Variants in CFAP46 observed in about 807,000 individuals in gnomAD.
CFAP46 encodes the protein cilia and flagella associated protein 46.
A neutral mutation model predicts 325.7 loss-of-function variants in CFAP46; 245 were observed. That is an observed-to-expected ratio of 0.75 (90% CI 0.68 to 0.84). The LOEUF is 0.84. Among genes scored for constraint, CFAP46 ranks in the 40% least tolerant of loss-of-function variants. The pLI, the probability that CFAP46 is intolerant of heterozygous loss-of-function variation, is 0.00. For missense variants in CFAP46, 3,346 were observed against 3,543.0 expected (o/e 0.94, Z 1.41); for synonymous variants, 1,523 against 1,495.9 (o/e 1.02, Z -0.42).
intron 31 of CFAP46, among the ~76,000 whole-genome samples, chr10:132,875,957 C>G (rs1304278134): frequency 1.3e-5 from 2 of 152,248 alleles, no homozygotes; most frequent in African/African-American, 2.4e-5. Context: ...GGAGGCAGAT[C>G]TGCTGGTCAC....
chr10:132,892,652 C>G (rs982642762), intron 24 of CFAP46, among the ~76,000 whole-genome samples: 4 of 152,134 alleles, frequency 2.6e-5, no homozygotes, highest in African/African-American at 9.7e-5. Context: ...AAATTTTTGG[C>G]AAACAACTCA....
rs1480031143 is a variant in CFAP46 at position 132,833,408 on chromosome 10, C to T, written c.7067G>A (p.Arg2356Gln). 5.0e-6 allele frequency: 8 copies of T among 1,614,018 alleles called. No individual in the cohort carries two copies. The highest frequency in any genetic ancestry group is 1.3e-5 in the African/African-American group (1 of 74,922). Residue 2356 changes from arginine (R) to glutamine (Q), a missense_variant, in exon 50 of 58, where the codon CGA (arginine) becomes CAA (glutamine). Transcript: ENST00000368586. ...CCACAGCATTTGAAGAGAAAATTCTCGTGACACAGAGGAAATTGTCCCTTC... is the reference window on the plus strand; with the variant it reads ...CCACAGCATTTGAAGAGAAAATTCTTGTGACACAGAGGAAATTGTCCCTTC... ...FDEGTISSVSREFSLQMLWNR... is the reference protein window; with the variant it reads ...FDEGTISSVSQEFSLQMLWNR...
At chr10:132,824,995 GTGC>G (rs1293554597) in intron 50 of CFAP46, among the ~76,000 whole-genome samples, 3 of 144,158 alleles carry the variant, frequency 2.1e-5, no homozygotes, top group African/African-American at 5.2e-5. Flanking sequence ...TGTGCTGTGT[GTGC>G]TGATGTGTGC....
At chr10:132,810,580 C>A (rs762968034) in intron 56 of CFAP46, 91 bp from the exon 57 acceptor site, 6 of 1,140,292 alleles carry the variant, frequency 5.3e-6, no homozygotes, top group African/African-American at 1.5e-5. Flanking sequence ...CAGGGGCCCA[C>A]GCACTTTCCC....
At chr10:132,839,734 C>A (rs951040719) in intron 44 of CFAP46, among the ~76,000 whole-genome samples, 2 of 152,186 alleles carry the variant, frequency 1.3e-5, no homozygotes, top group Non-Finnish European at 2.9e-5. Context: ...TTGAAAGACA[C>A]CTTTTTTGCA....
rs2135589871 is a variant in CFAP46 at position 132,919,182 on chromosome 10, A to G, written c.1858+133T>C. On this transcript the variant is annotated intron_variant, in intron 15 of 57. Coordinates refer to ENST00000368586, the MANE Select transcript of CFAP46 (RefSeq NM_001200049.3). The surrounding 1 kb of genome is among the most constrained non-coding windows in gnomAD (Gnocchi z 9.7). ...GTCCTGATAATTAGTGGGAACTGCT[A>G]CCATTGTGACTTAGCAATACGCTTT... 5 of 972,826 alleles carry G rather than the reference A, an allele frequency of 5.1e-6. No homozygotes were observed. Among genetic ancestry groups the G allele is most frequent in the Non-Finnish European group, 7.2e-6 (5 of 697,062 alleles). The allele number at this position is 972,826 out of a possible 1,614,324, so 60.3% of individuals were successfully genotyped here.
At chr10:132,870,867 TCCACTGTAGA>T (rs1564785770) in intron 32 of CFAP46, among the ~76,000 whole-genome samples, 1 of 152,226 alleles carries the variant, frequency 6.6e-6, no homozygotes, top group Non-Finnish European at 1.5e-5. Flanking sequence ...ACAACAGATT[TCCACTGTAGA>T]CCGCACAGCC....
intron 17 of CFAP46, 66 bp from the exon 18 acceptor site, chr10:132,913,324 G>A (rs1591087576): frequency 4.5e-6 from 6 of 1,331,270 alleles, no homozygotes; most frequent in Non-Finnish European, 6.3e-6. Context: ...GCACCAGGAA[G>A]GCTGCGGGGC....
chr10:132,831,510 C>T (rs1357351059), intron 50 of CFAP46, among the ~76,000 whole-genome samples: 1 of 152,302 alleles, frequency 6.6e-6, no homozygotes, highest in Middle Eastern at 3.4e-3. Flanking sequence ...TAGCCCTGGT[C>T]ACATTCCCAG....
chr10:132,811,625 G>A (rs1565030643), intron 55 of CFAP46, among the ~76,000 whole-genome samples: 1 of 152,204 alleles, frequency 6.6e-6, no homozygotes, highest in East Asian at 1.9e-4. Flanking sequence ...CAGCCTGGCC[G>A]TTCCCGCAGA....
rs369273698 is a variant in CFAP46 at position 132,851,711 on chromosome 10, C to T, written c.5575-406G>A. On this transcript the variant is annotated intron_variant, in intron 39 of 57. Transcript: ENST00000368586. ...CATGCTCCTTCCCTCTCACAGCCGG[C>T]GTCGGTGCACCGTGTGCACGCGCCA... is the stretch of plus-strand genomic sequence containing the variant. Among the ~76,000 whole-genome samples, 9 of 152,372 alleles carry T rather than the reference C, an allele frequency of 5.9e-5. 1 individual carries two copies. Among genetic ancestry groups the T allele is most frequent in the African/African-American group, 1.9e-4 (8 of 41,592 alleles).
rs751307288 is a variant in CFAP46, at chr10:132,860,815, G to A, written c.5058C>T (p.Leu1686=). The part of the protein sequence containing the change: ...YNSTLTLAEA[L]LSMEHSGREA... ...CCCTTCCTGAGTGTTCCATGGACAAGAGCGCCTCTGCCAGGGTCAGAGTGG... is the reference window on the plus strand; with the variant it reads ...CCCTTCCTGAGTGTTCCATGGACAAAAGCGCCTCTGCCAGGGTCAGAGTGG... Residue 1686 remains leucine (L), a synonymous_variant, in exon 36 of 58, where the codon CTC becomes CTT. Coordinates refer to ENST00000368586, the MANE Select transcript of CFAP46 (RefSeq NM_001200049.3). The A allele has an allele frequency of 6.4e-7, 1 of 1,551,100 alleles. No individual in the cohort carries two copies. Among genetic ancestry groups the A allele is most frequent in the Admixed American group, 2.0e-5 (1 of 51,014 alleles).
At chr10:132,826,909 C>T (rs1029927213) in intron 50 of CFAP46, among the ~76,000 whole-genome samples, 3 of 152,144 alleles carry the variant, frequency 2.0e-5, no homozygotes, top group Admixed American at 6.6e-5. Flanking sequence ...GGAGGGTGGG[C>T]GCTGTGGGCG....
intron 39 of CFAP46, among the ~76,000 whole-genome samples, chr10:132,855,722 G>T (rs1316734517): frequency 6.6e-6 from 1 of 152,192 alleles, no homozygotes; most frequent in African/African-American, 2.4e-5. Context: ...GGTATGTAGT[G>T]TATGATATCA....
At position 132,938,575 on chromosome 10, in the gene CFAP46, C is replaced by G; in HGVS notation, c.536+14G>C. 1 of 1,610,574 alleles carries G rather than the reference C, an allele frequency of 6.2e-7. No individual in the cohort carries two copies. Among genetic ancestry groups the G allele is most frequent in the Non-Finnish European group, 8.5e-7 (1 of 1,178,766 alleles). On this transcript the variant is annotated intron_variant, in intron 5 of 57. Coordinates refer to ENST00000368586, the MANE Select transcript of CFAP46 (RefSeq NM_001200049.3). ...CACCGGGAGGCCACAGAGGGCACGG[C>G]GAGCTCAACTCACAGCATCAGCTCA...
intron 24 of CFAP46, among the ~76,000 whole-genome samples, chr10:132,896,644 T>TA: frequency 6.6e-6 from 1 of 152,328 alleles, no homozygotes; most frequent in East Asian, 1.9e-4. Context: ...TTAACATTGT[T>TA]AAAATGTCAA....
At chr10:132,841,256 C>T (rs796910606) in intron 44 of CFAP46, among the ~76,000 whole-genome samples, 50 of 152,354 alleles carry the variant, frequency 3.3e-4, no homozygotes, top group African/African-American at 1.1e-3. Context: ...AGCGGTGGGA[C>T]CGGCTGAGAC....
At chr10:132,812,975 C>T (rs910677312) in intron 54 of CFAP46, 78 bp from the exon 55 acceptor site, 1 of 1,143,578 alleles carries the variant, frequency 8.7e-7, no homozygotes, top group Admixed American at 1.9e-5. Context: ...TAAAGCAGGC[C>T]ACATCCTGCG....
intron 44 of CFAP46, among the ~76,000 whole-genome samples, chr10:132,843,630 G>A (rs1292487316): frequency 2.2e-5 from 2 of 89,430 alleles, no homozygotes; most frequent in Non-Finnish European, 5.3e-5. Flanking sequence ...CTCGGTGAGT[G>A]TTCCCAGGGT....
Sources: gnomAD v4.1 joint callset for allele counts (sites outside exome capture counted in the v4.1 genomes callset) on GRCh38, gnomAD v4.1.1 for gene constraint, Gnocchi (gnomAD v3.1) non-coding constraint, MANE v1.5 for transcripts, NCBI Gene and HGNC (gene_info 2026-07-23, HGNC 2026-07-21) for gene names.